The following IL17RE variants were observed in gnomAD, a reference collection of about 807,000 sequenced individuals.
IL17RE encodes interleukin-17 receptor E.
Under a neutral mutation model 70.7 loss-of-function variants are expected in IL17RE, and 47 were observed. That is an observed-to-expected ratio of 0.67 (90% CI 0.53 to 0.85). The LOEUF (loss-of-function observed/expected upper bound fraction) is 0.85, where lower values mean the gene tolerates loss of function less well. IL17RE is among the 40% of genes least tolerant of loss of function. The pLI, the probability that IL17RE is intolerant of heterozygous loss-of-function variation, is 0.00. For missense variants in IL17RE, 850 were observed against 893.9 expected, an observed-to-expected ratio of 0.95 and a Z score of 0.63; for synonymous variants, 372 against 381.2, an observed-to-expected ratio of 0.98 and a Z score of 0.28.
At chr3:9,907,782 C>T (rs929436343) in intron 6 of IL17RE, among the ~76,000 whole-genome samples, 2 of 152,154 alleles carry the variant, frequency 1.3e-5, no homozygotes, top group East Asian at 3.8e-4. Flanking sequence ...TCCCATTCTC[C>T]CAACCTGGGC....
At position 9,910,974 on chromosome 3, in the gene IL17RE, C is replaced by T. The variant is rs1448691293; in HGVS notation, c.912C>T (p.Cys304=). The change falls in exon 9 of 16, where the codon TGC becomes TGT. Residue 304 remains cysteine (C), a synonymous_variant. Coordinates refer to ENST00000383814, the MANE Select transcript of IL17RE (RefSeq NM_153480.2). The part of the protein sequence containing the change: ...RCPLKLEAAL[C]QRHDWHTLCK... ...CACTGAAGCTGGAAGCTGCCCTCTG[C>T]CAGAGGCACGACTGGCATACCCTTT... 10 of 1,614,198 alleles carry T rather than the reference C, an allele frequency of 6.2e-6. No homozygotes were observed. Among genetic ancestry groups the T allele is most frequent in the South Asian group, 1.1e-5 (1 of 91,076 alleles).
Position 9,913,986 on chromosome 3 carries a change from C to A in IL17RE, c.1258C>A (p.Leu420Ile). 6.2e-7 allele frequency: 1 copy of A among 1,614,122 alleles called. No individual in the cohort carries two copies. The highest frequency in any genetic ancestry group is 8.5e-7 in the Non-Finnish European group (1 of 1,179,958). ...ARGSSPVSLD[L>I]IIPFLRPGCC... ...GGGCTCAAGCCCAGTGTCACTAGAC[C>A]TCATCATTCCCTTCCTGAGGCCAGG... Residue 420 changes from leucine to isoleucine, a missense_variant, in exon 13 of 16, where the codon CTC becomes ATC. By Grantham distance (5) the Leu-to-Ile change is conservative. Coordinates refer to ENST00000383814, the MANE Select transcript of IL17RE (RefSeq NM_153480.2).
rs1385867989 is a variant in IL17RE at position 9,906,800 on chromosome 3, G to T, written c.461G>T (p.Arg154Met). 1 of 1,614,038 alleles carries T rather than the reference G, an allele frequency of 6.2e-7. No homozygotes were observed. The highest frequency in any genetic ancestry group is 1.3e-5 in the African/African-American group (1 of 74,898). The change falls in exon 5 of 16, where the codon AGG becomes ATG. Residue 154 changes from arginine to methionine, a missense_variant. Transcript: ENST00000383814. ...DISHKGLRSK[R>M]TQPSDPETWE... ...TCCCACAAGGGACTTCGCTCTAAAA[G>T]GACCCAACCTTCGGATCCAGAGACA...
chr3:9,906,978 G>T lies in IL17RE; in HGVS notation c.544G>T (p.Asp182Tyr). Residue 182 changes from aspartate to tyrosine, a missense_variant, in exon 6 of 16, where the codon GAT becomes TAT. Asp to Tyr is a radical substitution (Grantham distance 160). Transcript: ENST00000383814. ...QRHGGPEFSF[D>Y]LLPEARAIRV... ...CTCCCCAGGACCCGAGTTCTCCTTT[G>T]ATTTGCTGCCTGAGGCCCGGGCTAT... is the stretch of plus-strand genomic sequence containing the variant. 3 of 1,614,182 alleles carry T rather than the reference G, an allele frequency of 1.9e-6. No homozygotes were observed. The highest frequency in any genetic ancestry group is 2.5e-6 in the Non-Finnish European group (3 of 1,180,034).
rs2082675865 is a variant in IL17RE at position 9,903,149 on chromosome 3, C to A, written c.132+85C>A. 14 of 1,271,970 alleles carry A rather than the reference C, an allele frequency of 1.1e-5. No homozygotes were observed. In the South Asian group the frequency reaches 1.5e-4, roughly 14 times the overall value. The allele number at this position is 1,271,970 out of a possible 1,614,324, so 78.8% of individuals were successfully genotyped here. On this transcript the variant is annotated intron_variant, in intron 1 of 15. Coordinates refer to ENST00000383814, the MANE Select transcript of IL17RE (RefSeq NM_153480.2). ...CCCTGCCTGCCCTGTGCTACCTCCG[C>A]AGTCCCTGTGCTCTGGTGGCAGCTT...
In IL17RE at chr3:9,909,247, C is replaced by A; in HGVS notation, c.766C>A (p.Arg256Ser). 6.2e-7 allele frequency: 1 copy of A among 1,614,048 alleles called. No individual in the cohort carries two copies. Among genetic ancestry groups the A allele is most frequent in the Admixed American group, 1.7e-5 (1 of 60,012 alleles). Reference sequence around the variant, plus strand: ...CTACCTGCAAGAGGACACTGTGAGGCGCAAAAAATGTCCCTTCCAGAGCTG... The same window carrying A: ...CTACCTGCAAGAGGACACTGTGAGGAGCAAAAAATGTCCCTTCCAGAGCTG... ...ASYLQEDTVR[R>S]KKCPFQSWPE... The change falls in exon 8 of 16, where the codon CGC (arginine) becomes AGC (serine). Residue 256 changes from arginine (R) to serine (S), a missense_variant. By Grantham distance (110) the Arg-to-Ser change is moderately radical. Coordinates refer to ENST00000383814, the MANE Select transcript of IL17RE (RefSeq NM_153480.2).
chr3:9,904,019 C>A lies in IL17RE; in HGVS notation c.149-13C>A. The A allele has an allele frequency of 6.2e-7, 1 of 1,614,012 alleles. No individual in the cohort carries two copies. Among genetic ancestry groups the A allele is most frequent in the Non-Finnish European group, 8.5e-7 (1 of 1,179,948 alleles). ...TAGACCCTATCATTTGCTTTCCCTT[C>A]CATCTTTCCCAGGAAGTTCTGCCTA... On this transcript the variant is annotated splice_polypyrimidine_tract_variant and intron_variant, in intron 2 of 15. Transcript: ENST00000383814.
intron 12 of IL17RE, 80 bp from the exon 13 acceptor site, chr3:9,913,876 C>G: frequency 8.7e-7 from 1 of 1,142,906 alleles, no homozygotes; most frequent in Non-Finnish European, 1.3e-6. Context: ...TGGGGAGGAA[C>G]AGCAGGGGCA....
intron 11 of IL17RE, 35 bp downstream of exon 11, chr3:9,911,335 G>T (rs1036094271): frequency 6.2e-7 from 1 of 1,613,772 alleles, no homozygotes; most frequent in Admixed American, 1.7e-5. Flanking sequence ...GGGACCCCCT[G>T]CCCCATTTCA....
At position 9,914,001 on chromosome 3, in the gene IL17RE, CT is replaced by C. The variant is rs771442482; in HGVS notation, c.1274del (p.Leu425ArgfsTer34). On this transcript the variant is annotated frameshift_variant, in exon 13 of 16. Coordinates refer to ENST00000383814, the MANE Select transcript of IL17RE (RefSeq NM_153480.2). LOFTEE classifies it high-confidence loss of function. Reference sequence around the variant, plus strand: ...GTCACTAGACCTCATCATTCCCTTCCTGAGGCCAGGGTGCTGTGTCCTGGTA... The same window carrying C: ...GTCACTAGACCTCATCATTCCCTTCCGAGGCCAGGGTGCTGTGTCCTGGTA... Reference protein sequence around the residue: ...PVSLDLIIPFLRPGCCVLVWR... With the variant: ...PVSLDLIIPFXRPGCCVLVWR... The C allele has an allele frequency of 3.1e-6, 5 of 1,614,070 alleles. No homozygotes were observed. The South Asian group carries it at 4.4e-5, about 14-fold the overall frequency.
Position 9,915,480 on chromosome 3 carries a change from GAGCGGCGCCGACCTTCGCCCGGTC to G in IL17RE, c.1684_1707del (p.Ala562_Gly569del), listed in dbSNP as rs2083020558. On this transcript the variant is annotated inframe_deletion, in exon 16 of 16. Coordinates refer to ENST00000383814, the MANE Select transcript of IL17RE (RefSeq NM_153480.2). The surrounding 1 kb of genome is among the most constrained non-coding windows in gnomAD (Gnocchi z 4.9). The stretch of plus-strand genomic sequence containing the variant: ...AGCAGGGCACTGTGCTGCTGCTGTG[GAGCGGCGCCGACCTTCGCCCGGTC>G]AGCGGCCCCGACCCCCGCGCCGCGC... 5.3e-6 allele frequency: 7 copies of G among 1,326,536 alleles called. No individual in the cohort carries two copies. The South Asian group carries it at 6.3e-5, about 12-fold the overall frequency. The allele number at this position is 1,326,536 out of a possible 1,614,324, so 82.2% of individuals were successfully genotyped here.
chr3:9,911,324 T>G, intron 11 of IL17RE, 24 bp downstream of exon 11: 1 of 1,614,004 alleles, frequency 6.2e-7, no homozygotes, highest in Non-Finnish European at 8.5e-7. Context: ...TGACCTCTGC[T>G]GGGACCCCCT....
intron 8 of IL17RE, chr3:9,909,705 T>C (rs1170166353): frequency 1.7e-5 from 3 of 175,684 alleles, no homozygotes; most frequent in Non-Finnish European, 3.6e-5. Context: ...TGAAAGTGGC[T>C]GGTGATGTCT....
At chr3:9,909,406 C>CCCAGAAGG in intron 8 of IL17RE, 123 bp downstream of exon 8, 3 of 890,036 alleles carry the variant, frequency 3.4e-6, no homozygotes, top group Non-Finnish European at 5.4e-6. Context: ...GGGGGAAGTC[C>CCCAGAAGG]CCAGAAGGCA....
Position 9,911,522 on chromosome 3 carries a change from C to T in IL17RE, c.1152C>T (p.Ala384=), listed in dbSNP as rs373629069. ...LILHFSSRMH[A]TFSAAWSLPG... is the part of the protein sequence containing the mutation. ...TTCACTTCTCCTCAAGAATGCATGC[C>T]ACCTTCAGTGCTGCCTGGAGCCTCC... Residue 384 remains alanine (A), a synonymous_variant, in exon 12 of 16, where the codon GCC becomes GCT. Transcript: ENST00000383814. The T allele has an allele frequency of 9.3e-6, 15 of 1,614,036 alleles. No homozygotes were observed. The highest frequency in any genetic ancestry group is 1.7e-6 in the Non-Finnish European group (2 of 1,180,024).
chr3:9,910,612 G>A (rs2082868182), intron 8 of IL17RE, among the ~76,000 whole-genome samples: 1 of 152,100 alleles, frequency 6.6e-6, no homozygotes, highest in African/African-American at 2.4e-5. Flanking sequence ...TTGAACCCAG[G>A]ACACAGAGGT....
rs1204937378 is a variant in IL17RE, at chr3:9,915,612, C to A, written c.1809C>A (p.Ile603=). Residue 603 remains isoleucine (I), a synonymous_variant, in exon 16 of 16, where the codon ATC becomes ATA. Transcript: ENST00000383814. The surrounding 1 kb of genome is among the most constrained non-coding windows in gnomAD (Gnocchi z 4.9). ...GTCGCCTCTGCGCCAAGGGCGACAT[C>A]CCCCCGCCGCTGCGCGCCCTGCCGC... ...YFSRLCAKGD[I]PPPLRALPRY... is the part of the protein sequence containing the mutation. 2 of 1,415,746 alleles carry A rather than the reference C, an allele frequency of 1.4e-6. No homozygotes were observed. The highest frequency in any genetic ancestry group is 1.8e-6 in the Non-Finnish European group (2 of 1,088,288). 87.7% of individuals were successfully genotyped at this position (1,415,746 alleles called of 1,614,324 possible).
At chr3:9,903,999 C>G (rs763983478) in intron 2 of IL17RE, 33 bp from the exon 3 acceptor site, 1 of 1,613,506 alleles carries the variant, frequency 6.2e-7, no homozygotes, top group Non-Finnish European at 8.5e-7. Flanking sequence ...CTTCTTAGAC[C>G]CTATCATTTG....
intron 2 of IL17RE, 131 bp from the exon 3 acceptor site, chr3:9,903,901 T>G: frequency 1.8e-6 from 2 of 1,104,786 alleles, no homozygotes. Flanking sequence ...AATCTGATCC[T>G]TAGACAGGTC....
Sources: allele counts gnomAD v4.1 joint callset (sites outside exome capture counted in the v4.1 genomes callset), GRCh38; gene constraint gnomAD v4.1.1; non-coding constraint Gnocchi (gnomAD v3.1); transcripts MANE v1.5; gene names NCBI Gene and HGNC (gene_info 2026-07-23, HGNC 2026-07-21).